MYO18B: variants seen among roughly 807,000 people sequenced by gnomAD.
MYO18B encodes the protein myosin XVIIIB.
MYO18B carries 204 observed loss-of-function variants against 273.0 expected under a neutral mutation model. That is an observed-to-expected ratio of 0.75 (90% CI 0.67 to 0.84). The LOEUF is 0.84. MYO18B is among the 40% of genes least tolerant of loss of function. The probability of loss-of-function intolerance (pLI) is 0.00; values close to 1 mark genes in which losing one functional copy is unlikely to be tolerated. For missense variants in MYO18B, 3,212 were observed against 3,287.6 expected, an observed-to-expected ratio of 0.98 and a Z score of 0.56; for synonymous variants, 1,330 against 1,305.7, an observed-to-expected ratio of 1.02 and a Z score of -0.40.
intron 42 of MYO18B, among the ~76,000 whole-genome samples, chr22:26,023,588 A>C (rs2147000498): frequency 6.6e-6 from 1 of 151,906 alleles, no homozygotes; most frequent in Admixed American, 6.6e-5. Context: ...CGCAGCCAGC[A>C]GTGGCAGTGG....
intron 40 of MYO18B, among the ~76,000 whole-genome samples, chr22:26,002,162 A>G (rs1601806786): frequency 6.6e-6 from 1 of 152,222 alleles, no homozygotes; most frequent in Admixed American, 6.5e-5. Context: ...AGGGCTAGAT[A>G]GTAAATATTT....
chr22:25,984,780 G>A (rs894298856), intron 39 of MYO18B, among the ~76,000 whole-genome samples: 33 of 151,258 alleles, frequency 2.2e-4, no homozygotes, highest in South Asian at 2.1e-4. Context: ...GTCTGGGCAA[G>A]AGAGTGAGAC....
chr22:26,032,263 G>T (rs1936684131), downstream of MYO18B, among the ~76,000 whole-genome samples: 1 of 152,158 alleles, frequency 6.6e-6, no homozygotes, highest in South Asian at 2.1e-4. Context: ...CGCCTGGGTG[G>T]CCTAAACAAC....
chr22:25,900,249 ATTGCAGATAGC>A (rs2091905773), intron 29 of MYO18B: 1 of 152,216 alleles, frequency 6.6e-6, no homozygotes, highest in African/African-American at 2.4e-5. Context: ...TTTGATGCCA[ATTGCAGATAGC>A]AGGCATTACC....
chr22:25,885,594 TG>T (rs1252526363), intron 25 of MYO18B, among the ~76,000 whole-genome samples: 1 of 151,870 alleles, frequency 6.6e-6, no homozygotes, highest in East Asian at 1.9e-4. Flanking sequence ...GGGTTGCCTA[TG>T]GGTTAGAGAT....
chr22:25,919,692 G>A (rs1294158205), intron 33 of MYO18B, among the ~76,000 whole-genome samples: 4 of 151,982 alleles, frequency 2.6e-5, no homozygotes, highest in African/African-American at 9.6e-5. Flanking sequence ...GTGTGTGTGT[G>A]TGTGTGTGTG....
downstream of MYO18B, among the ~76,000 whole-genome samples, chr22:26,035,682 G>A (rs1409944873): frequency 6.6e-6 from 1 of 152,230 alleles, no homozygotes; most frequent in Non-Finnish European, 1.5e-5. Flanking sequence ...TGTTGCTCCA[G>A]AAGAAAAGCT....
chr22:25,794,563 G>A (rs866826803), intron 11 of MYO18B, among the ~76,000 whole-genome samples: 7 of 151,926 alleles, frequency 4.6e-5, no homozygotes, highest in Middle Eastern at 3.4e-3. Context: ...GGAGTGAGGT[G>A]GTGCAATCTT....
rs184994731 is a variant in MYO18B at position 25,921,997 on chromosome 22, G to A, written c.5517+588G>A. On this transcript the variant is annotated intron_variant, in intron 34 of 43. Coordinates refer to ENST00000335473, the MANE Select transcript of MYO18B (RefSeq NM_032608.7). ...TTAGTATGCTAATGATATTGATCAA[G>A]GCATGATGTTGACCACTGGCTGCTA... is the stretch of plus-strand genomic sequence containing the variant. 1.9e-3 allele frequency among the ~76,000 whole-genome samples: 291 copies of A among 152,264 alleles called. 1 individual carries two copies. Among genetic ancestry groups the A allele is most frequent in the South Asian group, 5.8e-3 (28 of 4,820 alleles).
intron 15 of MYO18B, among the ~76,000 whole-genome samples, chr22:25,829,192 C>CA (rs1192742706): frequency 6.6e-6 from 1 of 152,230 alleles, no homozygotes; most frequent in Non-Finnish European, 1.5e-5. Context: ...CCAGAAGCAC[C>CA]AAGGAACTCG....
chr22:25,920,822 A>C (rs1039229705), intron 33 of MYO18B, among the ~76,000 whole-genome samples: 1 of 152,166 alleles, frequency 6.6e-6, no homozygotes, highest in African/African-American at 2.4e-5. Context: ...GTCCCTGCCC[A>C]CCCAGGACTG....
At chr22:26,035,132 T>C (rs1332782843), downstream of MYO18B, among the ~76,000 whole-genome samples, 2 of 152,214 alleles carry the variant, frequency 1.3e-5, no homozygotes, top group Non-Finnish European at 2.9e-5. Context: ...TAAGTCCAGT[T>C]GCTCATATCG....
At chr22:25,823,866 A>G (rs1032326397) in intron 13 of MYO18B, among the ~76,000 whole-genome samples, 188 bp downstream of exon 13, 3 of 152,136 alleles carry the variant, frequency 2.0e-5, no homozygotes, top group Non-Finnish European at 4.4e-5. Flanking sequence ...TCAAATAACT[A>G]TCTCCATTCA....
intron 39 of MYO18B, among the ~76,000 whole-genome samples, chr22:25,961,155 A>G (rs1226153505): frequency 6.6e-6 from 1 of 151,742 alleles, no homozygotes; most frequent in Non-Finnish European, 1.5e-5. Flanking sequence ...CCAGGAGTTC[A>G]AGATTACGGT....
intron 31 of MYO18B, among the ~76,000 whole-genome samples, chr22:25,905,242 T>C (rs1388455373): frequency 6.6e-6 from 1 of 152,104 alleles, no homozygotes; most frequent in African/African-American, 2.4e-5. Flanking sequence ...GCCTGGTGAG[T>C]ATCAAGACAT....
chr22:25,951,988 G>A (rs1315823918), intron 37 of MYO18B, among the ~76,000 whole-genome samples: 1 of 152,182 alleles, frequency 6.6e-6, no homozygotes, highest in Non-Finnish European at 1.5e-5. Context: ...ATCAGAGCAG[G>A]GAAGGAGAGA....
chr22:25,934,803 A>G (rs2092555824), intron 34 of MYO18B, among the ~76,000 whole-genome samples: 1 of 152,176 alleles, frequency 6.6e-6, no homozygotes, highest in Non-Finnish European at 1.5e-5. Flanking sequence ...GATGACTTTG[A>G]ATAGAATGAG....
chr22:25,869,725 A>G (rs1437697262), intron 22 of MYO18B, among the ~76,000 whole-genome samples: 1 of 152,060 alleles, frequency 6.6e-6, no homozygotes, highest in East Asian at 1.9e-4. Flanking sequence ...TATCATATGC[A>G]TCCGTGAGAG....
At chr22:25,795,730 A>G (rs1377644434) in intron 11 of MYO18B, among the ~76,000 whole-genome samples, 5 of 152,226 alleles carry the variant, frequency 3.3e-5, no homozygotes, top group Admixed American at 6.5e-5. Flanking sequence ...TCAATGGAAC[A>G]TGCTTTTGCT....
Sources: allele counts gnomAD v4.1 joint callset (sites outside exome capture counted in the v4.1 genomes callset), GRCh38; gene constraint gnomAD v4.1.1; transcripts MANE v1.5; gene names NCBI Gene and HGNC (gene_info 2026-07-23, HGNC 2026-07-21).